Variants in FAM177A1 observed in about 807,000 individuals in gnomAD.
The protein encoded by FAM177A1 is protein FAM177A1.
A neutral mutation model predicts 26.1 loss-of-function variants in FAM177A1; 22 were observed. That is an observed-to-expected ratio of 0.84 (90% CI 0.60 to 1.20). The LOEUF is 1.20. Ranked by LOEUF, FAM177A1 falls within the 50% of genes most tolerant of loss-of-function variation. The pLI, the probability that FAM177A1 is intolerant of heterozygous loss-of-function variation, is 0.00. For synonymous variants in FAM177A1, 95 were observed against 99.3 expected, an observed-to-expected ratio of 0.96 and a Z score of 0.26; for missense variants, 296 against 291.1, an observed-to-expected ratio of 1.02 and a Z score of -0.12.
intron 4 of FAM177A1, 73 bp downstream of exon 4, chr14:35,079,097 A>C: frequency 1.8e-6 from 2 of 1,131,772 alleles, no homozygotes; most frequent in Non-Finnish European, 2.5e-6. Context: ...TAATGAGCCT[A>C]TGTATTTTCT....
In FAM177A1 at chr14:35,064,387, G is replaced by A. The variant is rs2045207593; in HGVS notation, c.339+10936G>A. Among the ~76,000 whole-genome samples, 4 of 152,052 alleles carry A rather than the reference G, an allele frequency of 2.6e-5. No individual in the cohort carries two copies. In the South Asian group the frequency reaches 6.2e-4, roughly 24 times the overall value. ...GGGCAACAGAACATGACTTTGTCTC[G>A]AAAACAAACAAACAAAAAAGTACAA... is the stretch of plus-strand genomic sequence containing the variant. On this transcript the variant is annotated intron_variant, in intron 2 of 4. Transcript: ENST00000280987.
At chr14:35,078,157 G>C (rs184310128) in intron 3 of FAM177A1, among the ~76,000 whole-genome samples, 10 of 152,236 alleles carry the variant, frequency 6.6e-5, no homozygotes, top group Admixed American at 2.0e-4. Context: ...AGACAGGTTG[G>C]TGTAATGGAA....
intron 1 of FAM177A1, among the ~76,000 whole-genome samples, chr14:35,052,388 A>AT (rs2044987137): frequency 6.6e-6 from 1 of 151,634 alleles, no homozygotes; most frequent in African/African-American, 2.4e-5. Context: ...CGCCCAGCTA[A>AT]TTTTTTATAT....
In FAM177A1 at chr14:35,082,831, C is replaced by T. The variant is rs2045507142; in HGVS notation, c.*1603C>T. The T allele has an allele frequency of 6.6e-6, 1 of 152,124 alleles. No homozygotes were observed. The highest frequency in any genetic ancestry group is 2.1e-4 in the South Asian group (1 of 4,826). 9.4% of individuals were successfully genotyped at this position (152,124 alleles called of 1,614,324 possible). ...TCTGTAATGGAAATCTGTCAATGAA[C>T]ATGAACTGAGTTCTTCAACTACAGG... On this transcript the variant is annotated 3_prime_UTR_variant, in exon 5 of 5. Transcript: ENST00000280987.
chr14:35,072,630 A>C (rs1433081060), intron 2 of FAM177A1, among the ~76,000 whole-genome samples: 2 of 152,190 alleles, frequency 1.3e-5, no homozygotes, highest in Admixed American at 1.3e-4. Context: ...TCCATGTTGT[A>C]AAAGAAGTCA....
At chr14:35,075,357 C>T (rs1016903539) in intron 2 of FAM177A1, among the ~76,000 whole-genome samples, 1 of 152,164 alleles carries the variant, frequency 6.6e-6, no homozygotes, top group Non-Finnish European at 1.5e-5. Flanking sequence ...AGCTTTCTAC[C>T]TATGGCTAGC....
intron 2 of FAM177A1, among the ~76,000 whole-genome samples, chr14:35,075,970 A>C (rs989575816): frequency 3.9e-5 from 6 of 152,206 alleles, no homozygotes; most frequent in Non-Finnish European, 8.8e-5. Context: ...GTGGAGAAAT[A>C]GGAACACTTT....
At chr14:35,064,600 G>A (rs2045211629) in intron 2 of FAM177A1, among the ~76,000 whole-genome samples, 3 of 152,080 alleles carry the variant, frequency 2.0e-5, no homozygotes, top group Middle Eastern at 3.4e-3. Flanking sequence ...TAAATTAACC[G>A]AGATAGAATA....
intron 2 of FAM177A1, among the ~76,000 whole-genome samples, chr14:35,062,997 A>AT (rs1391340212): frequency 5.4e-5 from 8 of 148,464 alleles, no homozygotes; most frequent in South Asian, 2.1e-4. Context: ...AAAAAAAAAA[A>AT]AGGTCGGGTG....
At chr14:35,069,949 C>G (rs182368238) in intron 2 of FAM177A1, among the ~76,000 whole-genome samples, 33 of 151,084 alleles carry the variant, frequency 2.2e-4, no homozygotes, top group African/African-American at 8.0e-4. Context: ...AACCCCGTCT[C>G]TACTAAAAAT....
rs183499913 is a variant in FAM177A1 at position 35,061,743 on chromosome 14, C to T, written c.339+8292C>T. On this transcript the variant is annotated intron_variant, in intron 2 of 4. Coordinates refer to ENST00000280987, the MANE Select transcript of FAM177A1 (RefSeq NM_173607.5). ...CTAACTGGCACATTGTGCACATGTACCCTAAAACTTAAAGTATAATAATAT... is the reference window on the plus strand; with the variant it reads ...CTAACTGGCACATTGTGCACATGTATCCTAAAACTTAAAGTATAATAATAT... Among the ~76,000 whole-genome samples, 307 of 150,056 alleles carry T rather than the reference C, an allele frequency of 2.0e-3. 1 individual carries two copies. Among genetic ancestry groups the T allele is most frequent in the African/African-American group, 7.1e-3 (289 of 40,690 alleles).
Position 35,083,100 on chromosome 14 carries a change from C to G in FAM177A1, c.*1872C>G, listed in dbSNP as rs1387867389. ...TTTAACTTCATTCGAGATAGTACCTCTCACTCACAGATATTTATTTGGTTA... is the reference window on the plus strand; with the variant it reads ...TTTAACTTCATTCGAGATAGTACCTGTCACTCACAGATATTTATTTGGTTA... On this transcript the variant is annotated 3_prime_UTR_variant, in exon 5 of 5. Transcript: ENST00000280987. 6.6e-6 allele frequency: 1 copy of G among 152,596 alleles called. No homozygotes were observed. Among genetic ancestry groups the G allele is most frequent in the Non-Finnish European group, 1.5e-5 (1 of 68,036 alleles). The allele number at this position is 152,596 out of a possible 1,614,324, so 9.5% of individuals were successfully genotyped here.
upstream of FAM177A1, chr14:35,046,221 G>C (rs1289728754): frequency 8.4e-6 from 3 of 355,154 alleles, no homozygotes; most frequent in Non-Finnish European, 1.5e-5. Context: ...CGCCCCGCAA[G>C]GACCCGCCCC....
chr14:35,068,247 G>A lies in FAM177A1; in HGVS notation c.340-8903G>A, dbSNP rs570591848. On this transcript the variant is annotated intron_variant, in intron 2 of 4. Transcript: ENST00000280987. ...GAAAATCTTTTACATGGTGGAGTAT[G>A]TTAACAGATGATTGGTATCTTAATG... is the stretch of plus-strand genomic sequence containing the variant. Among the ~76,000 whole-genome samples the A allele has an allele frequency of 2.0e-5, 3 of 152,308 alleles. No homozygotes were observed. In the East Asian group the frequency reaches 5.8e-4, roughly 29 times the overall value.
intron 2 of FAM177A1, among the ~76,000 whole-genome samples, chr14:35,069,401 T>G (rs1411122604): frequency 6.6e-6 from 1 of 150,648 alleles, no homozygotes; most frequent in African/African-American, 2.4e-5. Flanking sequence ...TTCTCCTGCC[T>G]CAGCCTCCCA....
intron 1 of FAM177A1, chr14:35,050,636 G>A (rs1368307739): frequency 1.3e-5 from 2 of 152,138 alleles, no homozygotes; most frequent in African/African-American, 4.8e-5. Flanking sequence ...ACTGTCTTGG[G>A]GGTGGGATAG....
intron 2 of FAM177A1, among the ~76,000 whole-genome samples, chr14:35,054,074 C>T (rs968386845): frequency 6.6e-6 from 1 of 152,142 alleles, no homozygotes; most frequent in Non-Finnish European, 1.5e-5. Context: ...TGATAGTTTC[C>T]ACCCAAAACT....
Position 35,046,410 on chromosome 14 carries a change from A to T in FAM177A1, c.-54A>T. The T allele has an allele frequency of 6.9e-7, 1 of 1,450,910 alleles. No homozygotes were observed. Among genetic ancestry groups the T allele is most frequent in the Non-Finnish European group, 9.1e-7 (1 of 1,094,210 alleles). The allele number at this position is 1,450,910 out of a possible 1,614,324, so 89.9% of individuals were successfully genotyped here. A position where few individuals can be genotyped will look rare whatever the true frequency, so the allele number is the denominator to read the frequency against. Reference sequence around the variant, plus strand: ...GCGCGAGGCGGGCGCTGGGCGGGTGAGTCCCACTTCCCGACAGCCTGGCTC... The same window carrying T: ...GCGCGAGGCGGGCGCTGGGCGGGTGTGTCCCACTTCCCGACAGCCTGGCTC... On this transcript the variant is annotated 5_prime_UTR_variant, in exon 1 of 5. Transcript: ENST00000280987.
intron 2 of FAM177A1, among the ~76,000 whole-genome samples, chr14:35,063,159 CAAAAA>C (rs1247353359): frequency 1.7e-5 from 1 of 57,858 alleles, no homozygotes. Flanking sequence ...GACTCCATCT[CAAAAA>C]AAAAAAAAAA....
Sources: gnomAD v4.1 joint callset for allele counts (sites outside exome capture counted in the v4.1 genomes callset) on GRCh38, gnomAD v4.1.1 for gene constraint, MANE v1.5 for transcripts, NCBI Gene and HGNC (gene_info 2026-07-23, HGNC 2026-07-21) for gene names.